Variants in RERE observed in about 807,000 individuals in gnomAD.
The protein encoded by RERE is arginine-glutamic acid dipeptide repeats protein.
RERE carries 40 observed loss-of-function variants against 146.1 expected under a neutral mutation model. The observed-to-expected ratio is 0.27, with a 90% confidence interval of 0.21 to 0.36. RERE has a LOEUF of 0.36. Ranked by LOEUF, RERE falls within the 10% of genes least tolerant of loss-of-function variation. The pLI, the probability that RERE is intolerant of heterozygous loss-of-function variation, is 1.00. For synonymous variants in RERE, 1,003 were observed against 866.0 expected (o/e 1.16, Z -2.78); for missense variants, 1,933 against 2,138.7 (o/e 0.90, Z 1.90).
intron 1 of RERE, among the ~76,000 whole-genome samples, chr1:8,707,769 G>A (rs1351563178): frequency 2.6e-5 from 4 of 152,186 alleles, no homozygotes; most frequent in Non-Finnish European, 4.4e-5. Context: ...AGTTAGCTAT[G>A]TCCGCATAGG....
chr1:8,629,996 C>T (rs1025909053), intron 2 of RERE, among the ~76,000 whole-genome samples: 9 of 152,114 alleles, frequency 5.9e-5, no homozygotes, highest in Non-Finnish European at 7.4e-5. Flanking sequence ...AGGACTGCAC[C>T]GCTCTTCTGC....
In RERE at chr1:8,465,866, A is replaced by G. The variant is rs769638868; in HGVS notation, c.1203+59T>C. 2.1e-6 allele frequency: 3 copies of G among 1,436,246 alleles called. No individual in the cohort carries two copies. In the Admixed American group the frequency reaches 5.0e-5, roughly 24 times the overall value. 89.0% of individuals were successfully genotyped at this position (1,436,246 alleles called of 1,614,324 possible). The stretch of plus-strand genomic sequence containing the variant: ...TCCCTGAGCAGCAGGGAGGTCACAC[A>G]CTGAGACGCCGGTGGCCCGATGCCC... On this transcript the variant is annotated intron_variant, in intron 11 of 22. Transcript: ENST00000400908.
intron 1 of RERE, among the ~76,000 whole-genome samples, chr1:8,809,657 T>G (rs191335532): frequency 2.8e-4 from 43 of 152,308 alleles, no homozygotes; most frequent in African/African-American, 9.6e-4. Context: ...TTCTTAGCAG[T>G]ATACAAAATA....
chr1:8,579,134 G>A (rs529192299), intron 4 of RERE, among the ~76,000 whole-genome samples: 7 of 152,294 alleles, frequency 4.6e-5, no homozygotes, highest in African/African-American at 1.2e-4. Flanking sequence ...TGTTACTCAC[G>A]CAGAACCACC....
chr1:8,487,939 T>C (rs187588138), intron 10 of RERE, among the ~76,000 whole-genome samples: 1 of 152,218 alleles, frequency 6.6e-6, no homozygotes, highest in African/African-American at 2.4e-5. Flanking sequence ...CAAAAAATCT[T>C]ATTGTAAGAA....
intron 1 of RERE, among the ~76,000 whole-genome samples, chr1:8,770,970 C>T (rs977495107): frequency 3.3e-5 from 5 of 151,950 alleles, no homozygotes; most frequent in Non-Finnish European, 5.9e-5. Context: ...ACTATGTGTG[C>T]ACCTATTTGG....
At chr1:8,367,105 G>A (rs567101448) in intron 12 of RERE, among the ~76,000 whole-genome samples, 1 of 152,130 alleles carries the variant, frequency 6.6e-6, no homozygotes, top group Non-Finnish European at 1.5e-5. Flanking sequence ...TCTTGTGAAT[G>A]GAGGAGGCAA....
intron 21 of RERE, 60 bp from the exon 22 acceptor site, chr1:8,355,659 G>GC: frequency 7.0e-7 from 1 of 1,433,622 alleles, no homozygotes; most frequent in Non-Finnish European, 9.4e-7. Context: ...CAAGACCAGG[G>GC]CGGCACAGGC....
At chr1:8,464,253 A>C (rs1298244759) in intron 11 of RERE, among the ~76,000 whole-genome samples, 1 of 152,152 alleles carries the variant, frequency 6.6e-6, no homozygotes, top group African/African-American at 2.4e-5. Flanking sequence ...CCCTAGGGCC[A>C]TTTCAGTGCA....
chr1:8,663,182 T>G (rs533938834), intron 1 of RERE, among the ~76,000 whole-genome samples: 59 of 152,216 alleles, frequency 3.9e-4, no homozygotes, highest in Middle Eastern at 6.8e-3. Context: ...ATTAAAAATA[T>G]TTCCTCTTGG....
intron 1 of RERE, among the ~76,000 whole-genome samples, chr1:8,663,693 T>C (rs949216073): frequency 3.9e-5 from 6 of 152,144 alleles, no homozygotes; most frequent in African/African-American, 1.4e-4. Context: ...TGAATCACCA[T>C]TTAAAGCATA....
intron 12 of RERE, among the ~76,000 whole-genome samples, chr1:8,379,779 G>A (rs747676851): frequency 1.4e-4 from 22 of 152,136 alleles, no homozygotes; most frequent in Non-Finnish European, 2.9e-4. Flanking sequence ...AAGATGATGG[G>A]GCTAACTCCC....
intron 4 of RERE, among the ~76,000 whole-genome samples, chr1:8,566,521 G>A (rs1646154607): frequency 6.6e-6 from 1 of 152,034 alleles, no homozygotes; most frequent in Admixed American, 6.6e-5. Flanking sequence ...TTGGGAGGCT[G>A]AGGCAGAGAA....
chr1:8,513,288 C>A (rs1318305626), intron 7 of RERE, among the ~76,000 whole-genome samples: 1 of 152,144 alleles, frequency 6.6e-6, no homozygotes, highest in Non-Finnish European at 1.5e-5. Context: ...AAAGTAATTG[C>A]ATTTAAGCAG....
chr1:8,649,545 C>A (rs1022491692), intron 2 of RERE, among the ~76,000 whole-genome samples: 4 of 151,942 alleles, frequency 2.6e-5, no homozygotes, highest in African/African-American at 9.7e-5. Flanking sequence ...GCCTGGCCAA[C>A]ATGGTGAAAC....
At chr1:8,363,862 G>T (rs1004507350) in intron 15 of RERE, 194 bp downstream of exon 15, 7 of 606,218 alleles carry the variant, frequency 1.2e-5, no homozygotes, top group Non-Finnish European at 1.2e-5. Flanking sequence ...TGCCACCCTG[G>T]GGCCCCTCGA....
chr1:8,590,930 G>C (rs1387673635), intron 4 of RERE: 2 of 152,214 alleles, frequency 1.3e-5, no homozygotes, highest in African/African-American at 4.8e-5. Flanking sequence ...CTGAAGAACT[G>C]CTGAGTAGAA....
chr1:8,747,121 C>T (rs959271993), intron 1 of RERE, among the ~76,000 whole-genome samples: 1 of 152,082 alleles, frequency 6.6e-6, no homozygotes, highest in Non-Finnish European at 1.5e-5. Flanking sequence ...CCTGCCTCAG[C>T]CTCCCGAGTA....
Position 8,356,075 on chromosome 1 carries a change from G to T in RERE, c.4486+25C>A. On this transcript the variant is annotated intron_variant, in intron 21 of 22. Coordinates refer to ENST00000400908, the MANE Select transcript of RERE (RefSeq NM_001042681.2). The surrounding 1 kb of genome is among the most constrained non-coding windows in gnomAD (Gnocchi z 5.2). ...AACCCAACCCTCACACGGCCTCCCCGCCCCTCCTGGAGGGGAAGTCTTACC... is the reference window on the plus strand; with the variant it reads ...AACCCAACCCTCACACGGCCTCCCCTCCCCTCCTGGAGGGGAAGTCTTACC... The T allele has an allele frequency of 6.8e-7, 1 of 1,468,422 alleles. No individual in the cohort carries two copies. The highest frequency in any genetic ancestry group is 1.5e-5 in the South Asian group (1 of 68,374). 91.0% of individuals were successfully genotyped at this position (1,468,422 alleles called of 1,614,324 possible). A position where few individuals can be genotyped will look rare whatever the true frequency, so the allele number is the denominator to read the frequency against.
Sources: allele counts gnomAD v4.1 joint callset (sites outside exome capture counted in the v4.1 genomes callset), GRCh38; gene constraint gnomAD v4.1.1; non-coding constraint Gnocchi (gnomAD v3.1); transcripts MANE v1.5; gene names NCBI Gene and HGNC (gene_info 2026-07-23, HGNC 2026-07-21).